CDH12: variants seen among roughly 807,000 people sequenced by gnomAD.
CDH12 encodes the protein cadherin 12.
A neutral mutation model predicts 74.1 loss-of-function variants in CDH12; 41 were observed. That is an observed-to-expected ratio of 0.55 (90% CI 0.43 to 0.72). CDH12 has a LOEUF of 0.72. CDH12 is among the 30% of genes least tolerant of loss of function. The pLI is 0.00. For missense variants in CDH12, 945 were observed against 977.2 expected (o/e 0.97, Z 0.44); for synonymous variants, 399 against 355.0 (o/e 1.12, Z -1.39).
chr5:22,700,336 ATCT>A (rs1262666533), intron 1 of CDH12, among the ~76,000 whole-genome samples: 1 of 152,188 alleles, frequency 6.6e-6, no homozygotes, highest in East Asian at 1.9e-4. Context: ...CCCACTGAAC[ATCT>A]TCTGTCACAT....
chr5:22,459,710 CA>C (rs1745423127), intron 2 of CDH12, among the ~76,000 whole-genome samples: 1 of 152,128 alleles, frequency 6.6e-6, no homozygotes, highest in Non-Finnish European at 1.5e-5. Context: ...TGCAGTGGCT[CA>C]CGCTTGTAAT....
intron 3 of CDH12, among the ~76,000 whole-genome samples, chr5:22,241,397 A>G (rs1453907405): frequency 6.6e-6 from 1 of 152,120 alleles, no homozygotes; most frequent in East Asian, 1.9e-4. Context: ...TAGCTAAACT[A>G]AAACTTGTGA....
chr5:22,561,414 T>C (rs535902831), intron 1 of CDH12, among the ~76,000 whole-genome samples: 21 of 152,292 alleles, frequency 1.4e-4, no homozygotes, highest in African/African-American at 5.1e-4. Flanking sequence ...TCATTATAAT[T>C]TAATTTGAAA....
intron 1 of CDH12, among the ~76,000 whole-genome samples, chr5:22,676,508 G>T (rs542220367): frequency 5.3e-5 from 8 of 152,150 alleles, no homozygotes; most frequent in African/African-American, 1.7e-4. Flanking sequence ...CACACAGAGC[G>T]TGCTTACTCA....
intron 1 of CDH12, among the ~76,000 whole-genome samples, chr5:22,700,658 G>A (rs557416605): frequency 6.6e-6 from 1 of 152,320 alleles, no homozygotes; most frequent in Non-Finnish European, 1.5e-5. Flanking sequence ...TACACTGGTT[G>A]TCTTACTAAA....
intron 3 of CDH12, among the ~76,000 whole-genome samples, chr5:22,288,381 C>T (rs1005180870): frequency 1.6e-4 from 24 of 152,026 alleles, no homozygotes; most frequent in Admixed American, 7.2e-4. Flanking sequence ...TATATACATG[C>T]GTATACAGTT....
chr5:21,797,344 T>A (rs1746845637), intron 10 of CDH12, among the ~76,000 whole-genome samples: 1 of 152,170 alleles, frequency 6.6e-6, no homozygotes, highest in Non-Finnish European at 1.5e-5. Context: ...CGAGTAATTT[T>A]ACACTTTAAT....
chr5:21,818,791 G>C (rs376127006), intron 8 of CDH12, among the ~76,000 whole-genome samples: 75 of 151,766 alleles, frequency 4.9e-4, no homozygotes, highest in Non-Finnish European at 8.1e-4. Context: ...GCACTTAAAA[G>C]TTTAAATAAA....
chr5:22,337,590 G>A (rs542158659), intron 3 of CDH12, among the ~76,000 whole-genome samples: 1 of 152,142 alleles, frequency 6.6e-6, no homozygotes, highest in Non-Finnish European at 1.5e-5. Context: ...TTTGCCTGCT[G>A]CTATCCATGT....
At chr5:22,080,179 T>A (rs868799035) in intron 4 of CDH12, among the ~76,000 whole-genome samples, 1 of 152,028 alleles carries the variant, frequency 6.6e-6, no homozygotes, top group African/African-American at 2.4e-5. Context: ...AATCAATGCA[T>A]GTTTAATTAA....
chr5:22,697,878 C>A (rs1742461830), intron 1 of CDH12, among the ~76,000 whole-genome samples: 1 of 151,924 alleles, frequency 6.6e-6, no homozygotes, highest in African/African-American at 2.4e-5. Flanking sequence ...GAAGAAGAGG[C>A]CCTGAGAAGA....
chr5:21,983,529 C>T (rs182870205), intron 5 of CDH12, among the ~76,000 whole-genome samples: 225 of 152,104 alleles, frequency 1.5e-3, no homozygotes, highest in Non-Finnish European at 2.3e-3. Flanking sequence ...CCTCCAGGTG[C>T]GAGTTTATGT....
At chr5:22,852,822 C>G (rs1412699800) in intron 1 of CDH12, among the ~76,000 whole-genome samples, 1 of 152,162 alleles carries the variant, frequency 6.6e-6, no homozygotes, top group African/African-American at 2.4e-5. Flanking sequence ...TTTCCTTCCT[C>G]TTTTCACGTA....
intron 1 of CDH12, among the ~76,000 whole-genome samples, chr5:22,847,014 A>T (rs1422953708): frequency 1.3e-5 from 2 of 152,180 alleles, no homozygotes; most frequent in East Asian, 3.9e-4. Context: ...GTGTTAGGTT[A>T]TTGACACGAC....
chr5:21,939,837 ATTTTTGCCTTG>A (rs1378254825), intron 6 of CDH12, among the ~76,000 whole-genome samples: 2 of 152,166 alleles, frequency 1.3e-5, no homozygotes, highest in East Asian at 3.8e-4. Context: ...ATGTATACAC[ATTTTTGCCTTG>A]TTCTTAATAA....
chr5:22,697,504 G>A (rs1477116911), intron 1 of CDH12, among the ~76,000 whole-genome samples: 7 of 150,250 alleles, frequency 4.7e-5, no homozygotes, highest in African/African-American at 7.4e-5. Flanking sequence ...CCCGGGAGGC[G>A]GAGCTTGCAG....
intron 1 of CDH12, among the ~76,000 whole-genome samples, chr5:22,823,706 T>G (rs1466890586): frequency 6.6e-6 from 1 of 152,060 alleles, no homozygotes; most frequent in African/African-American, 2.4e-5. Flanking sequence ...GTTTCCCCCA[T>G]GCTGTTCTCA....
chr5:22,373,004 G>A lies in CDH12; in HGVS notation c.-333+32253C>T, dbSNP rs370739429. Among the ~76,000 whole-genome samples the A allele has an allele frequency of 4.6e-5, 7 of 152,162 alleles. No homozygotes were observed. The South Asian group carries it at 1.5e-3, about 32-fold the overall frequency. ...GCCATCCCTGGAGGCAGATCCCTAG[G>A]GCAGCCACCACTGCCCCCACCTAAG... is the stretch of plus-strand genomic sequence containing the variant. On this transcript the variant is annotated intron_variant, in intron 3 of 14. Coordinates refer to ENST00000382254, the MANE Select transcript of CDH12 (RefSeq NM_004061.5).
chr5:22,735,157 C>T (rs1232328700), intron 1 of CDH12, among the ~76,000 whole-genome samples: 1 of 151,838 alleles, frequency 6.6e-6, no homozygotes, highest in African/African-American at 2.4e-5. Context: ...GATGTTACTG[C>T]CACCTATCGC....
Sources: allele counts gnomAD v4.1 joint callset (sites outside exome capture counted in the v4.1 genomes callset), GRCh38; gene constraint gnomAD v4.1.1; transcripts MANE v1.5; gene names NCBI Gene and HGNC (gene_info 2026-07-23, HGNC 2026-07-21).